The following AGAP1 variants were observed in gnomAD, a reference collection of about 807,000 sequenced individuals.
AGAP1 encodes ArfGAP with GTPase domain, ankyrin repeat and PH domain 1.
AGAP1 carries 29 observed loss-of-function variants against 105.3 expected under a neutral mutation model. That is an observed-to-expected ratio of 0.28 (90% confidence interval 0.21 to 0.38). The LOEUF is 0.38. Ranked by LOEUF, AGAP1 falls within the 10% of genes least tolerant of loss-of-function variation. The pLI is 1.00. For missense variants in AGAP1, 998 were observed against 1,165.1 expected, an observed-to-expected ratio of 0.86 and a Z score of 2.09; for synonymous variants, 509 against 485.9, an observed-to-expected ratio of 1.05 and a Z score of -0.63.
chr2:235,698,877 CA>C (rs1407527209), intron 1 of AGAP1, among the ~76,000 whole-genome samples: 1 of 152,226 alleles, frequency 6.6e-6, no homozygotes, highest in East Asian at 1.9e-4. Context: ...CTCAGTTACT[CA>C]GAGGCTCAAC....
rs1018154021 is a variant in AGAP1 at position 236,015,662 on chromosome 2, C to T, written c.1646-20899C>T. On this transcript the variant is annotated intron_variant, in intron 13 of 17. Transcript: ENST00000304032. ...GCGCACATAAGGGAGGCGGGGGCAT[C>T]GGGCGTGTGATGCAAAGCAGGTCAC... is the stretch of plus-strand genomic sequence containing the variant. Among the ~76,000 whole-genome samples, 3 of 152,060 alleles carry T rather than the reference C, an allele frequency of 2.0e-5. 1 individual carries two copies. The highest frequency in any genetic ancestry group is 4.2e-4 in the South Asian group (2 of 4,810).
rs556891327 is a variant in AGAP1, at chr2:235,762,106, G to A, written c.673+11618G>A. 1.4e-3 allele frequency among the ~76,000 whole-genome samples: 165 copies of A among 121,666 alleles called. 1 individual carries two copies. Among genetic ancestry groups the A allele is most frequent in the African/African-American group, 4.7e-3 (153 of 32,352 alleles). 79.8% of individuals were successfully genotyped at this position (121,666 alleles called of 152,430 possible). On this transcript the variant is annotated intron_variant, in intron 6 of 17. Transcript: ENST00000304032. ...CCTGGGGGGATAAGAGGAAAACTCCGTCTCAAAAAAAAAAAAAAAAAAAAT... is the reference window on the plus strand; with the variant it reads ...CCTGGGGGGATAAGAGGAAAACTCCATCTCAAAAAAAAAAAAAAAAAAAAT...
At chr2:236,065,802 C>A (rs1164254657) in intron 16 of AGAP1, among the ~76,000 whole-genome samples, 4 of 152,218 alleles carry the variant, frequency 2.6e-5, no homozygotes, top group Non-Finnish European at 4.4e-5. Context: ...TTAGGACCCA[C>A]CATCTAGCAC....
intron 9 of AGAP1, among the ~76,000 whole-genome samples, chr2:235,854,206 C>G (rs573424939): frequency 6.6e-6 from 1 of 152,254 alleles, no homozygotes; most frequent in Middle Eastern, 3.4e-3. Context: ...ATTTGAAAAC[C>G]GGTGATCAAG....
At chr2:235,670,880 G>C (rs750894596) in intron 1 of AGAP1, 1 of 1,302,052 alleles carries the variant, frequency 7.7e-7, no homozygotes, top group Non-Finnish European at 9.7e-7. Flanking sequence ...CGCGGCCTCG[G>C]AGCACCGGCT....
intron 16 of AGAP1, among the ~76,000 whole-genome samples, chr2:236,054,451 T>C (rs556442285): frequency 1.2e-4 from 18 of 146,034 alleles, no homozygotes; most frequent in Middle Eastern, 3.6e-3. Flanking sequence ...TGTTCCTCTA[T>C]GCTTGACACC....
intron 1 of AGAP1, among the ~76,000 whole-genome samples, chr2:235,506,599 A>G (rs1023347971): frequency 5.3e-5 from 8 of 152,188 alleles, no homozygotes; most frequent in Non-Finnish European, 1.0e-4. Flanking sequence ...AGAATTTTAC[A>G]TAGAAACTTG....
chr2:235,849,897 A>G (rs908449), intron 9 of AGAP1, among the ~76,000 whole-genome samples: 70,221 of 152,020 alleles, frequency 0.46, 18,910 homozygotes, highest in East Asian at 0.79. Context: ...ACACCCTGAC[A>G]TGCTCCCCTC....
intron 1 of AGAP1, among the ~76,000 whole-genome samples, chr2:235,595,318 C>G (rs982328459): frequency 6.6e-6 from 1 of 152,130 alleles, no homozygotes; most frequent in African/African-American, 2.4e-5. Context: ...GGGGAGCACA[C>G]CCTCGAGGGG....
At chr2:235,812,928 C>T (rs996169718) in intron 9 of AGAP1, among the ~76,000 whole-genome samples, 1 of 152,238 alleles carries the variant, frequency 6.6e-6, no homozygotes, top group Non-Finnish European at 1.5e-5. Context: ...AGTGAACTGC[C>T]GTGCCCTGCA....
rs746107327 is a variant in AGAP1, at chr2:235,976,190, T to G, written c.1645+7567T>G. On this transcript the variant is annotated intron_variant, in intron 13 of 17. Coordinates refer to ENST00000304032, the MANE Select transcript of AGAP1 (RefSeq NM_001037131.3). The surrounding 1 kb of genome is among the most constrained non-coding windows in gnomAD (Gnocchi z 4.5). The stretch of plus-strand genomic sequence containing the variant: ...GGAGCCACCATGCATCCCGACGGAC[T>G]TGCCTCCTCCCCACAAACTAGATGA... Among the ~76,000 whole-genome samples the G allele has an allele frequency of 6.6e-6, 1 of 152,160 alleles. No homozygotes were observed. The highest frequency in any genetic ancestry group is 1.5e-5 in the Non-Finnish European group (1 of 68,032).
At chr2:236,081,028 A>G (rs2058766797) in intron 16 of AGAP1, among the ~76,000 whole-genome samples, 1 of 152,136 alleles carries the variant, frequency 6.6e-6, no homozygotes, top group Non-Finnish European at 1.5e-5. Flanking sequence ...TTTGGGAGCC[A>G]TTTCCCTTCT....
intron 10 of AGAP1, among the ~76,000 whole-genome samples, chr2:235,899,519 T>A (rs964263847): frequency 6.6e-6 from 1 of 152,252 alleles, no homozygotes. Context: ...GTCTTAAAAA[T>A]ATATATATAC....
intron 16 of AGAP1, among the ~76,000 whole-genome samples, chr2:236,067,333 T>A (rs1321768987): frequency 6.6e-6 from 1 of 152,212 alleles, no homozygotes; most frequent in East Asian, 1.9e-4. Context: ...AGGGCTAAGT[T>A]CTAAATAGAA....
chr2:236,055,876 C>T lies in AGAP1; in HGVS notation c.2114+6595C>T, dbSNP rs1306390542. On this transcript the variant is annotated intron_variant, in intron 16 of 17. Transcript: ENST00000304032. This position sits in a 1 kb window ranked among gnomAD's most constrained non-coding sequence, Gnocchi z 6.2. ...TAGCCACCCTTCATGACTGGATGGT[C>T]CTCATTAGCACACTGCTAAATATGC... 5.3e-5 allele frequency among the ~76,000 whole-genome samples: 8 copies of T among 152,232 alleles called. No individual in the cohort carries two copies. Among genetic ancestry groups the T allele is most frequent in the African/African-American group, 1.9e-4 (8 of 41,464 alleles).
At position 235,496,497 on chromosome 2, in the gene AGAP1, G is replaced by A. The variant is rs541321046; in HGVS notation, c.163+1648G>A. The stretch of plus-strand genomic sequence containing the variant: ...GTTACGGGAGCTGTGAAGGCTGCAC[G>A]GTGCTCATTTCAGATGGTTCTTCCT... On this transcript the variant is annotated intron_variant, in intron 1 of 17. Coordinates refer to ENST00000304032, the MANE Select transcript of AGAP1 (RefSeq NM_001037131.3). Among the ~76,000 whole-genome samples, 53 of 152,304 alleles carry A rather than the reference G, an allele frequency of 3.5e-4. 1 individual carries two copies. Among genetic ancestry groups the A allele is most frequent in the Admixed American group, 2.3e-3 (35 of 15,294 alleles).
chr2:236,021,143 G>A (rs1247389750), intron 13 of AGAP1, among the ~76,000 whole-genome samples: 1 of 148,372 alleles, frequency 6.7e-6, no homozygotes. Flanking sequence ...TCCAACCTGG[G>A]CGACAGAGCA....
At chr2:235,771,291 C>T (rs1306235755) in intron 6 of AGAP1, among the ~76,000 whole-genome samples, 4 of 152,216 alleles carry the variant, frequency 2.6e-5, no homozygotes, top group Admixed American at 6.5e-5. Flanking sequence ...CTCCAGAGGG[C>T]TTCTGCTGGG....
At chr2:235,561,384 G>A (rs1307375932) in intron 1 of AGAP1, among the ~76,000 whole-genome samples, 1 of 152,216 alleles carries the variant, frequency 6.6e-6, no homozygotes, top group African/African-American at 2.4e-5. Context: ...TTTAGGGGGC[G>A]AGGTTGGGAG....
Sources: allele counts gnomAD v4.1 joint callset (sites outside exome capture counted in the v4.1 genomes callset), GRCh38; gene constraint gnomAD v4.1.1; non-coding constraint Gnocchi (gnomAD v3.1); transcripts MANE v1.5; gene names NCBI Gene and HGNC (gene_info 2026-07-23, HGNC 2026-07-21).